The following RPS6KA6 variants were observed in gnomAD, a reference collection of about 807,000 sequenced individuals.
The protein encoded by RPS6KA6 is ribosomal protein S6 kinase alpha-6.
A neutral mutation model predicts 65.4 loss-of-function variants in RPS6KA6; 27 were observed. The ratio of observed to expected loss-of-function variants is 0.41; its 90% confidence interval spans 0.30 to 0.57. RPS6KA6 has a LOEUF of 0.57. Ranked by LOEUF, RPS6KA6 falls within the 20% of genes least tolerant of loss-of-function variation. The probability of loss-of-function intolerance (pLI) is 0.24; values close to 1 mark genes in which losing one functional copy is unlikely to be tolerated. For missense variants in RPS6KA6, 486 were observed against 555.6 expected (o/e 0.87, Z 1.26); for synonymous variants, 190 against 184.2 (o/e 1.03, Z -0.26).
At chrX:84,092,450 C>A (rs1569379247) in intron 20 of RPS6KA6, among the ~76,000 whole-genome samples, 1 of 109,795 alleles carries the variant, frequency 9.1e-6, no homozygotes, top group South Asian at 4.0e-4. Context: ...GATGAAAGAT[C>A]ATCTCTACTG....
intron 17 of RPS6KA6, among the ~76,000 whole-genome samples, chrX:84,103,434 T>C (rs959357628): frequency 3.6e-5 from 4 of 111,289 alleles, no homozygotes; most frequent in African/African-American, 1.3e-4. Flanking sequence ...CTACTAGTAC[T>C]CTCTATTTCA....
chrX:84,072,852 A>G (rs754065195), intron 20 of RPS6KA6, among the ~76,000 whole-genome samples: 15 of 111,668 alleles, frequency 1.3e-4, no homozygotes, highest in African/African-American at 4.9e-4. Flanking sequence ...GATCTCTACA[A>G]TGAAAACTAT....
intron 12 of RPS6KA6, among the ~76,000 whole-genome samples, chrX:84,110,242 C>A (rs779402697): frequency 1.5e-4 from 17 of 111,931 alleles, no homozygotes; most frequent in African/African-American, 4.9e-4. Context: ...TGCTACCTGT[C>A]TAGGATGTGA....
chrX:84,116,413 G>T, intron 11 of RPS6KA6, 126 bp from the exon 12 acceptor site: 2 of 349,966 alleles, frequency 5.7e-6, no homozygotes. Flanking sequence ...AAAAATACAT[G>T]ATTTCTTATC....
At chrX:84,133,622 T>G (rs1303870310) in intron 8 of RPS6KA6, among the ~76,000 whole-genome samples, 1 of 111,393 alleles carries the variant, frequency 9.0e-6, no homozygotes, top group Non-Finnish European at 1.9e-5. Context: ...TTTTTTCTAC[T>G]CTTTTTCCCA....
intron 2 of RPS6KA6, among the ~76,000 whole-genome samples, chrX:84,161,460 G>A (rs1176870933): frequency 1.8e-5 from 2 of 111,147 alleles, no homozygotes; most frequent in East Asian, 2.8e-4. Flanking sequence ...AGTTTTTTAA[G>A]TAACTGAATA....
At chrX:84,076,324 C>G (rs1373467118) in intron 20 of RPS6KA6, among the ~76,000 whole-genome samples, 1 of 111,495 alleles carries the variant, frequency 9.0e-6, no homozygotes, top group African/African-American at 3.3e-5. Context: ...ACCACTATTA[C>G]ACCAATATCA....
intron 8 of RPS6KA6, among the ~76,000 whole-genome samples, chrX:84,128,079 C>T (rs969269197): frequency 1.8e-5 from 2 of 111,481 alleles, no homozygotes; most frequent in Non-Finnish European, 3.8e-5. Context: ...AACCTAAAGA[C>T]TCCTCCAAGA....
chrX:84,100,389 C>T (rs1002626306), intron 18 of RPS6KA6, among the ~76,000 whole-genome samples: 3 of 110,772 alleles, frequency 2.7e-5, no homozygotes, highest in Non-Finnish European at 5.7e-5. Context: ...AATCTAAACA[C>T]GGACATATTA....
At chrX:84,136,561 C>T (rs2034995034) in intron 6 of RPS6KA6, among the ~76,000 whole-genome samples, 2 of 111,205 alleles carry the variant, frequency 1.8e-5, no homozygotes, top group Non-Finnish European at 3.8e-5. Flanking sequence ...GTTGCCTATT[C>T]AACTTCTAAC....
Position 84,116,304 on chromosome X carries a change from T to G in RPS6KA6, c.950-17A>C, listed in dbSNP as rs756148747. Reference sequence around the variant, plus strand: ...CTTCTGATCCTATAAAAAAAAGAAATGATATTTTATTTTTATGATTTTTTT... The same window carrying G: ...CTTCTGATCCTATAAAAAAAAGAAAGGATATTTTATTTTTATGATTTTTTT... On this transcript the variant is annotated splice_polypyrimidine_tract_variant and intron_variant, in intron 11 of 21. Transcript: ENST00000262752. The G allele has an allele frequency of 5.0e-6, 5 of 1,006,765 alleles. No homozygotes were observed. Among genetic ancestry groups the G allele is most frequent in the South Asian group, 4.5e-5 (2 of 44,378 alleles). 83.0% of individuals were successfully genotyped at this position (1,006,765 alleles called of 1,213,427 possible).
At chrX:84,162,790 C>T (rs753533819) in intron 2 of RPS6KA6, among the ~76,000 whole-genome samples, 1 of 111,652 alleles carries the variant, frequency 9.0e-6, no homozygotes, top group Non-Finnish European at 1.9e-5. Context: ...TATAAACTGG[C>T]AACATTAATA....
intron 20 of RPS6KA6, among the ~76,000 whole-genome samples, chrX:84,083,629 C>T (rs2033852555): frequency 8.9e-6 from 1 of 112,307 alleles, no homozygotes; most frequent in African/African-American, 3.2e-5. Context: ...CATTGATGGG[C>T]ATGTGGGTTG....
At chrX:84,142,909 G>A (rs1327906973) in intron 6 of RPS6KA6, among the ~76,000 whole-genome samples, 8 of 110,669 alleles carry the variant, frequency 7.2e-5, no homozygotes, top group Non-Finnish European at 1.9e-5. Context: ...TCATTTAAGG[G>A]CAATTTATCA....
intron 3 of RPS6KA6, among the ~76,000 whole-genome samples, chrX:84,150,097 G>A (rs1418027473): frequency 1.8e-5 from 2 of 111,116 alleles, no homozygotes; most frequent in Non-Finnish European, 3.8e-5. Flanking sequence ...TTCTCTTCAT[G>A]AGCCAACCCC....
chrX:84,086,116 GGTTTT>G (rs1255674113), intron 20 of RPS6KA6, among the ~76,000 whole-genome samples: 1 of 110,691 alleles, frequency 9.0e-6, no homozygotes, highest in Admixed American at 9.6e-5. Flanking sequence ...ATCAGCCCCT[GGTTTT>G]GTTGACTTTT....
At chrX:84,100,888 G>A (rs944650663) in intron 18 of RPS6KA6, among the ~76,000 whole-genome samples, 1 of 110,320 alleles carries the variant, frequency 9.1e-6, no homozygotes, top group Non-Finnish European at 1.9e-5. Flanking sequence ...TGTTCTGCCT[G>A]TTCTTCAATA....
At chrX:84,150,995 TATATATAGAGAGGATATATAGAGAGAGG>T (rs1266757113) in intron 3 of RPS6KA6, among the ~76,000 whole-genome samples, 1 of 79,330 alleles carries the variant, frequency 1.3e-5, no homozygotes, top group Non-Finnish European at 2.5e-5. Flanking sequence ...ATATAGAGGA[TATATATAGAGAGGATATATAGAGAGAGG>T]ATATATAGAG....
At chrX:84,125,414 G>A (rs2034763213) in intron 8 of RPS6KA6, among the ~76,000 whole-genome samples, 1 of 111,802 alleles carries the variant, frequency 8.9e-6, no homozygotes, top group Admixed American at 9.5e-5. Flanking sequence ...TGAATTCAAA[G>A]TGTAGTGTTT....
Sources: gnomAD v4.1 joint callset for allele counts (sites outside exome capture counted in the v4.1 genomes callset) on GRCh38, gnomAD v4.1.1 for gene constraint, MANE v1.5 for transcripts, NCBI Gene and HGNC (gene_info 2026-07-23, HGNC 2026-07-21) for gene names.